The following HRH2 variants were observed in gnomAD, a reference collection of about 807,000 sequenced individuals.
HRH2 encodes histamine receptor H2.
In HRH2, 4 loss-of-function variants were observed where a neutral mutation model predicts 20.1. The ratio of observed to expected loss-of-function variants is 0.20; its 90% CI spans 0.10 to 0.45. HRH2 has a LOEUF of 0.45. HRH2 is among the 20% of genes least tolerant of loss of function. HRH2 has a pLI of 0.99. For synonymous variants in HRH2, 197 were observed against 200.7 expected (o/e 0.98, Z 0.16); for missense variants, 250 against 461.6 (o/e 0.54, Z 4.20).
At chr5:175,699,618 G>A (rs1197140578) in intron 2 of HRH2, among the ~76,000 whole-genome samples, 2 of 152,170 alleles carry the variant, frequency 1.3e-5, no homozygotes, top group African/African-American at 2.4e-5. Context: ...CTGTTGCCCA[G>A]GCTGGAGTGC....
intron 1 of HRH2, among the ~76,000 whole-genome samples, chr5:175,678,073 C>T (rs1755820536): frequency 6.6e-6 from 1 of 152,226 alleles, no homozygotes; most frequent in Non-Finnish European, 1.5e-5. Context: ...TTCGTACCTA[C>T]ACCGTGATAC....
intron 2 of HRH2, among the ~76,000 whole-genome samples, chr5:175,690,136 C>T (rs1172321786): frequency 6.6e-6 from 1 of 152,150 alleles, no homozygotes; most frequent in African/African-American, 2.4e-5. Context: ...CGTTCCTGCC[C>T]GGCCTCTATG....
Position 175,677,112 on chromosome 5 carries a change from G to A in HRH2, c.-525-5597G>A, listed in dbSNP as rs1047309906. 6.6e-6 allele frequency among the ~76,000 whole-genome samples: 1 copy of A among 151,834 alleles called. No homozygotes were observed. The highest frequency in any genetic ancestry group is 1.5e-5 in the Non-Finnish European group (1 of 67,954). On this transcript the variant is annotated intron_variant, in intron 1 of 2. Transcript: ENST00000636584. This position sits in a 1 kb window ranked among gnomAD's most constrained non-coding sequence, Gnocchi z 4.2. ...TGGGCTCAAGCGATCTTCCCACCTCGGCCTCCCGAGTAGCCTGCCCTACAG... is the reference window on the plus strand; with the variant it reads ...TGGGCTCAAGCGATCTTCCCACCTCAGCCTCCCGAGTAGCCTGCCCTACAG...
At position 175,681,055 on chromosome 5, in the gene HRH2, A is replaced by G. The variant is rs976443007; in HGVS notation, c.-525-1654A>G. Among the ~76,000 whole-genome samples, 7 of 152,170 alleles carry G rather than the reference A, an allele frequency of 4.6e-5. No homozygotes were observed. The highest frequency in any genetic ancestry group is 7.3e-5 in the Non-Finnish European group (5 of 68,028). On this transcript the variant is annotated intron_variant, in intron 1 of 2. Coordinates refer to ENST00000636584, the MANE Select transcript of HRH2 (RefSeq NM_001367711.1). This position sits in a 1 kb window ranked among gnomAD's most constrained non-coding sequence, Gnocchi z 4.3. ...GAACTCAAATGTCAGCCTGATGCCAAAATACCTATACCCGGCTGTTGTGGT... is the reference window on the plus strand; with the variant it reads ...GAACTCAAATGTCAGCCTGATGCCAGAATACCTATACCCGGCTGTTGTGGT...
intron 2 of HRH2, among the ~76,000 whole-genome samples, chr5:175,690,624 C>T (rs1393438726): frequency 6.6e-6 from 1 of 152,136 alleles, no homozygotes; most frequent in Non-Finnish European, 1.5e-5. Context: ...TTATAGGATT[C>T]ACCCGTTTAA....
At chr5:175,699,977 C>CA (rs1482222450) in intron 2 of HRH2, among the ~76,000 whole-genome samples, 1 of 152,218 alleles carries the variant, frequency 6.6e-6, no homozygotes, top group African/African-American at 2.4e-5. Flanking sequence ...ATGGCTCTGA[C>CA]AGCCTCTTCT....
chr5:175,683,542 A>G lies in HRH2; in HGVS notation c.309A>G (p.Thr103=). ...CCAGCCTGGATGTGATGCTCTGCAC[A>G]GCCTCCATTCTTAACCTCTTCATGA... ...IYTSLDVMLC[T]ASILNLFMIS... is the part of the protein sequence containing the mutation. Residue 103 remains threonine, a synonymous_variant, in exon 2 of 3, where the codon ACA becomes ACG. Coordinates refer to ENST00000636584, the MANE Select transcript of HRH2 (RefSeq NM_001367711.1). 1.2e-6 allele frequency: 2 copies of G among 1,614,206 alleles called. No homozygotes were observed. Among genetic ancestry groups the G allele is most frequent in the Non-Finnish European group, 1.7e-6 (2 of 1,180,036 alleles).
In HRH2 at chr5:175,705,493, A is replaced by ATTT. The variant is rs1561743405; in HGVS notation, c.1077-2286_1077-2285insTTT. ...TCATACAATGAAATACCTTTTTTTAAAAAATTATGGCACATTTTAAACATA... is the reference window on the plus strand; with the variant it reads ...TCATACAATGAAATACCTTTTTTTAATTTAAAATTATGGCACATTTTAAACATA... On this transcript the variant is annotated intron_variant, in intron 2 of 2. Coordinates refer to ENST00000636584, the MANE Select transcript of HRH2 (RefSeq NM_001367711.1). Among the ~76,000 whole-genome samples the ATTT allele has an allele frequency of 5.1e-4, 77 of 151,964 alleles. 1 individual carries two copies. Among genetic ancestry groups the ATTT allele is most frequent in the African/African-American group, 1.8e-3 (76 of 41,308 alleles).
At chr5:175,679,619 C>A (rs1256927042) in intron 1 of HRH2, among the ~76,000 whole-genome samples, 1 of 152,206 alleles carries the variant, frequency 6.6e-6, no homozygotes, top group Non-Finnish European at 1.5e-5. Context: ...AGAGATTACT[C>A]CTGCTTTTAG....
intron 1 of HRH2, among the ~76,000 whole-genome samples, chr5:175,669,692 G>A (rs943333510): frequency 1.3e-5 from 2 of 152,138 alleles, no homozygotes; most frequent in South Asian, 4.1e-4. Context: ...TCTAACTGAC[G>A]AGCACATGGC....
chr5:175,696,339 G>C (rs1246367045), intron 2 of HRH2, among the ~76,000 whole-genome samples: 1 of 152,186 alleles, frequency 6.6e-6, no homozygotes, highest in Non-Finnish European at 1.5e-5. Flanking sequence ...GGAGCAGTGT[G>C]GGCCAACTCT....
chr5:175,664,163 A>G lies in HRH2; in HGVS notation c.-526+6008A>G, dbSNP rs544388408. ...TCCAAGAACAGGAGGGAGGATTGCAAACACCTCCAGCTCCAGCAAGGACTG... is the reference window on the plus strand; with the variant it reads ...TCCAAGAACAGGAGGGAGGATTGCAGACACCTCCAGCTCCAGCAAGGACTG... On this transcript the variant is annotated intron_variant, in intron 1 of 2. Transcript: ENST00000636584. Among the ~76,000 whole-genome samples the G allele has an allele frequency of 7.9e-5, 12 of 152,266 alleles. No homozygotes were observed. In the South Asian group the frequency reaches 2.5e-3, roughly 32 times the overall value.
Position 175,707,942 on chromosome 5 carries a change from G to A in HRH2, c.1240G>A (p.Val414Met). The A allele has an allele frequency of 5.0e-6, 2 of 399,126 alleles. No individual in the cohort carries two copies. Among genetic ancestry groups the A allele is most frequent in the Non-Finnish European group, 8.8e-6 (2 of 226,114 alleles). 24.7% of individuals were successfully genotyped at this position (399,126 alleles called of 1,614,324 possible). A position where few individuals can be genotyped will look rare whatever the true frequency, so the allele number is the denominator to read the frequency against. Reference sequence around the variant, plus strand: ...ACAGAAGAGACCTCCCCAGAAAGCGGTGAGGACGCTGCCCTCTGAGGCTGT... The same window carrying A: ...ACAGAAGAGACCTCCCCAGAAAGCGATGAGGACGCTGCCCTCTGAGGCTGT... ...EPQKRPPQKA[V>M]RTLPSEAV The change falls in exon 3 of 3, where the codon GTG becomes ATG. Residue 414 changes from valine (V) to methionine (M), a missense_variant. Coordinates refer to ENST00000636584, the MANE Select transcript of HRH2 (RefSeq NM_001367711.1).
intron 1 of HRH2, among the ~76,000 whole-genome samples, chr5:175,660,930 C>T (rs1009823297): frequency 6.6e-6 from 1 of 152,114 alleles, no homozygotes; most frequent in African/African-American, 2.4e-5. Context: ...TTCCAAGACT[C>T]CTCATTACCA....
At chr5:175,679,182 C>T (rs1755868670) in intron 1 of HRH2, among the ~76,000 whole-genome samples, 1 of 152,190 alleles carries the variant, frequency 6.6e-6, no homozygotes, top group East Asian at 1.9e-4. Flanking sequence ...TTGTGTCTCA[C>T]CACAATTCAG....
At chr5:175,672,772 C>G (rs886932354) in intron 1 of HRH2, among the ~76,000 whole-genome samples, 1 of 152,034 alleles carries the variant, frequency 6.6e-6, no homozygotes, top group Non-Finnish European at 1.5e-5. Context: ...GAGAAACACA[C>G]GAAATGCTAG....
At chr5:175,684,491 TC>T in intron 2 of HRH2, 182 bp downstream of exon 2, 6 of 394,694 alleles carry the variant, frequency 1.5e-5, no homozygotes, top group Non-Finnish European at 2.1e-5. Flanking sequence ...AGAACTTAGC[TC>T]CCTTTTAAAA....
chr5:175,684,325 A>T lies in HRH2; in HGVS notation c.1076+16A>T. 1 of 1,609,656 alleles carries T rather than the reference A, an allele frequency of 6.2e-7. No individual in the cohort carries two copies. Among genetic ancestry groups the T allele is most frequent in the Non-Finnish European group, 8.5e-7 (1 of 1,177,286 alleles). On this transcript the variant is annotated intron_variant, in intron 2 of 2. Transcript: ENST00000636584. The stretch of plus-strand genomic sequence containing the variant: ...CCACAGACAGGTAATAGCCCTAGCC[A>T]TTGGTGCACAGGATGGGGGCAATGG...
At chr5:175,690,885 T>C (rs1756349098) in intron 2 of HRH2, among the ~76,000 whole-genome samples, 2 of 152,376 alleles carry the variant, frequency 1.3e-5, no homozygotes, top group African/African-American at 4.8e-5. Flanking sequence ...TCACTTAGCA[T>C]AACATTGCCA....
Sources: gnomAD v4.1 joint callset for allele counts (sites outside exome capture counted in the v4.1 genomes callset) on GRCh38, gnomAD v4.1.1 for gene constraint, Gnocchi (gnomAD v3.1) non-coding constraint, MANE v1.5 for transcripts, NCBI Gene and HGNC (gene_info 2026-07-23, HGNC 2026-07-21) for gene names.